LARP7: variants seen among roughly 807,000 people sequenced by gnomAD.
The protein encoded by LARP7 is la-related protein 7.
In LARP7, 52 loss-of-function variants were observed where a neutral mutation model predicts 69.3. The ratio of observed to expected loss-of-function variants is 0.75; its 90% CI spans 0.60 to 0.95. The LOEUF (loss-of-function observed/expected upper bound fraction) is 0.95, where lower values mean the gene tolerates loss of function less well. Among genes scored for constraint, LARP7 ranks in the 40% least tolerant of loss-of-function variants. The probability of loss-of-function intolerance (pLI) is 0.00; values close to 1 mark genes in which losing one functional copy is unlikely to be tolerated. For synonymous variants in LARP7, 254 were observed against 215.9 expected (o/e 1.18, Z -1.55); for missense variants, 733 against 673.0 (o/e 1.09, Z -0.99).
chr4:112,654,544 T>C (rs1452515092), intron 12 of LARP7: 1 of 159,776 alleles, frequency 6.3e-6, no homozygotes, highest in Non-Finnish European at 1.4e-5. Flanking sequence ...ATAGATAAGA[T>C]GGAGAGACTT....
In LARP7 at chr4:112,650,612, T is replaced by A. The variant is rs2048683948; in HGVS notation, c.1416+30T>A. On this transcript the variant is annotated intron_variant, in intron 10 of 12. Coordinates refer to ENST00000344442, the MANE Select transcript of LARP7 (RefSeq NM_016648.4). ...TGATTTTGAGCCCCTAGGGTATTTG[T>A]TCCTTTCTTCTCTTATTATTTCCCT... The A allele has an allele frequency of 2.5e-6, 4 of 1,586,610 alleles. No homozygotes were observed. In the East Asian group the frequency reaches 9.0e-5, roughly 36 times the overall value.
At chr4:112,644,244 GAAAA>G (rs577425889) in intron 1 of LARP7, 43 of 83,226 alleles carry the variant, frequency 5.2e-4, no homozygotes, top group African/African-American at 3.1e-3. Flanking sequence ...CTGTCTCCAA[GAAAA>G]AAAAAAAAAG....
At chr4:112,648,445 G>T in intron 8 of LARP7, 1 of 534,246 alleles carries the variant, frequency 1.9e-6, no homozygotes, top group Non-Finnish European at 3.8e-6. Context: ...CCCTTCAAAT[G>T]AGGTTAGCGT....
chr4:112,639,208 C>CTTT (rs1160467036), intron 1 of LARP7, among the ~76,000 whole-genome samples: 3 of 132,378 alleles, frequency 2.3e-5, no homozygotes, highest in Non-Finnish European at 4.9e-5. Flanking sequence ...TTAAATGTTA[C>CTTT]TTTTTTTTTT....
intron 1 of LARP7, chr4:112,644,368 A>C (rs933500135): frequency 1.9e-6 from 1 of 523,604 alleles, no homozygotes; most frequent in African/African-American, 2.0e-5. Flanking sequence ...CTTTTCACTT[A>C]CTGACTTAAA....
At chr4:112,646,137 CCAGCTAATT>C (rs1450389832) in intron 2 of LARP7, among the ~76,000 whole-genome samples, 1 of 151,876 alleles carries the variant, frequency 6.6e-6, no homozygotes. Flanking sequence ...ACCACTACAC[CCAGCTAATT>C]CTTTGTATTT....
At chr4:112,645,336 CTAAA>C (rs1296602035) in intron 2 of LARP7, among the ~76,000 whole-genome samples, 1 of 152,202 alleles carries the variant, frequency 6.6e-6, no homozygotes, top group South Asian at 2.1e-4. Context: ...TGACAATCTT[CTAAA>C]TAAAGACTGT....
intron 10 of LARP7, among the ~76,000 whole-genome samples, chr4:112,652,068 A>G (rs2048766796): frequency 6.6e-6 from 1 of 151,640 alleles, no homozygotes; most frequent in Admixed American, 6.6e-5. Context: ...TGTTGGGATG[A>G]GTTAAGATCT....
chr4:112,654,424 A>ACC (rs1461266344), intron 12 of LARP7: 2 of 290,684 alleles, frequency 6.9e-6, no homozygotes, highest in East Asian at 1.3e-4. Context: ...AACAGTCTTG[A>ACC]TATCTGGCTG....
At chr4:112,649,475 A>G (rs771313357) in intron 8 of LARP7, 60 bp from the exon 9 acceptor site, 3 of 1,356,684 alleles carry the variant, frequency 2.2e-6, no homozygotes, top group Non-Finnish European at 3.0e-6. Context: ...ATATATTTAG[A>G]TATTTCCCTA....
intron 12 of LARP7, among the ~76,000 whole-genome samples, chr4:112,656,763 T>A (rs2048972312): frequency 6.6e-6 from 1 of 152,208 alleles, no homozygotes; most frequent in Admixed American, 6.5e-5. Context: ...ATAATAGGCT[T>A]TTAGTTTAAT....
In LARP7 at chr4:112,647,289, C is replaced by G. The variant is rs745306804; in HGVS notation, c.737C>G (p.Thr246Ser). The G allele has an allele frequency of 1.9e-6, 3 of 1,613,812 alleles. No individual in the cohort carries two copies. The highest frequency in any genetic ancestry group is 2.5e-6 in the Non-Finnish European group (3 of 1,180,004). Residue 246 changes from threonine (T) to serine (S), a missense_variant, in exon 7 of 13, where the codon ACC becomes AGC. Physicochemically the swap from Thr to Ser is moderately conservative, Grantham distance 58 (BLOSUM62 1). Transcript: ENST00000344442. ...AKEENMDTSN[T>S]SISKMKRSRP... ...GAAGAAAACATGGACACAAGCAACA[C>G]CAGCATCAGTAAAATGAAAAGATCC...
At position 112,644,887 on chromosome 4, in the gene LARP7, TA is replaced by T; in HGVS notation, c.202+19del. Reference sequence around the variant, plus strand: ...AGAGATGGATGTAAGTTTGCTTCAGTAAAGGAACCAATTTTTAGATATGGTT... The same window carrying T: ...AGAGATGGATGTAAGTTTGCTTCAGTAAGGAACCAATTTTTAGATATGGTT... On this transcript the variant is annotated intron_variant, in intron 2 of 12. Transcript: ENST00000344442. 1 of 1,388,818 alleles carries T rather than the reference TA, an allele frequency of 7.2e-7. No individual in the cohort carries two copies. The highest frequency in any genetic ancestry group is 1.5e-5 in the South Asian group (1 of 66,492). 86.0% of individuals were successfully genotyped at this position (1,388,818 alleles called of 1,614,324 possible).
intron 1 of LARP7, among the ~76,000 whole-genome samples, chr4:112,639,389 C>CT (rs1349082318): frequency 1.3e-5 from 2 of 151,436 alleles, no homozygotes; most frequent in African/African-American, 2.4e-5. Flanking sequence ...TTTTTCTTTT[C>CT]TTTTTTCTTT....
intron 1 of LARP7, among the ~76,000 whole-genome samples, chr4:112,644,057 A>G (rs1578563635): frequency 6.6e-6 from 1 of 151,654 alleles, no homozygotes; most frequent in Middle Eastern, 3.2e-3. Flanking sequence ...CCTGGCAAAC[A>G]TGGTGAAACC....
rs1195218424 is a variant in LARP7, at chr4:112,652,885, G to C, written c.1417-192G>C. Among the ~76,000 whole-genome samples the C allele has an allele frequency of 2.0e-5, 3 of 151,978 alleles. No individual in the cohort carries two copies. The East Asian group carries it at 5.8e-4, about 29-fold the overall frequency. ...GAAAATAAATGAAAATAAATTACTA[G>C]AGTTGATATTATTCAAATCTATTTT... On this transcript the variant is annotated intron_variant, in intron 10 of 12. Transcript: ENST00000344442.
At position 112,650,453 on chromosome 4, in the gene LARP7, C is replaced by G. The variant is rs12171491; in HGVS notation, c.1295-8C>G. ...ATTTAGTCCTGGTCTTTTTCCTTTT[C>G]TAATCAGCAGCCAACAGGGAAGAGT... is the stretch of plus-strand genomic sequence containing the variant. On this transcript the variant is annotated splice_polypyrimidine_tract_variant and splice_region_variant and intron_variant, in intron 9 of 12. Coordinates refer to ENST00000344442, the MANE Select transcript of LARP7 (RefSeq NM_016648.4). 1 of 1,612,326 alleles carries G rather than the reference C, an allele frequency of 6.2e-7. No homozygotes were observed. Among genetic ancestry groups the G allele is most frequent in the South Asian group, 1.1e-5 (1 of 90,854 alleles).
chr4:112,647,414 C>CTAGATG lies in LARP7; in HGVS notation c.862_863insTAGATG (p.Pro288delinsLeuAspAla). 1 of 1,613,968 alleles carries CTAGATG rather than the reference C, an allele frequency of 6.2e-7. No individual in the cohort carries two copies. Among genetic ancestry groups the CTAGATG allele is most frequent in the Non-Finnish European group, 8.5e-7 (1 of 1,180,002 alleles). On this transcript the variant is annotated protein_altering_variant, in exon 7 of 13. Transcript: ENST00000344442. ...GGACAGAGTTGAAGCATCTAGCTTA[C>CTAGATG]CTGAAGTCAGAACAGGGAAGAGGAA...
chr4:112,653,593 T>C (rs2048845128), intron 11 of LARP7, among the ~76,000 whole-genome samples: 2 of 152,206 alleles, frequency 1.3e-5, no homozygotes, highest in African/African-American at 4.8e-5. Context: ...GAAGTGATTC[T>C]CCTGCCTCAG....
Sources: allele counts gnomAD v4.1 joint callset (sites outside exome capture counted in the v4.1 genomes callset), GRCh38; gene constraint gnomAD v4.1.1; transcripts MANE v1.5; gene names NCBI Gene and HGNC (gene_info 2026-07-23, HGNC 2026-07-21).